The following XYLT1 variants were observed in gnomAD, a reference collection of about 807,000 sequenced individuals.
XYLT1 encodes beta-D-xylosyltransferase 1.
A neutral mutation model predicts 91.3 loss-of-function variants in XYLT1; 36 were observed. The ratio of observed to expected loss-of-function variants is 0.39; its 90% CI spans 0.30 to 0.52. The LOEUF is 0.52. Ranked by LOEUF, XYLT1 falls within the 20% of genes least tolerant of loss-of-function variation. The pLI is 0.68. For missense variants in XYLT1, 1,242 were observed against 1,284.5 expected (o/e 0.97, Z 0.51); for synonymous variants, 588 against 532.0 (o/e 1.11, Z -1.45).
At chr16:17,115,803 A>AAAAAAAT in intron 11 of XYLT1, among the ~76,000 whole-genome samples, 1 of 121,886 alleles carries the variant, frequency 8.2e-6, no homozygotes, top group Non-Finnish European at 1.6e-5. Context: ...GTTATATTAA[A>AAAAAAAT]AAAAAAAAAA....
At chr16:17,275,022 C>T (rs2033952665) in intron 2 of XYLT1, among the ~76,000 whole-genome samples, 1 of 151,972 alleles carries the variant, frequency 6.6e-6, no homozygotes, top group Non-Finnish European at 1.5e-5. Flanking sequence ...ACTGAAAATA[C>T]AAAAATTAGC....
chr16:17,294,819 T>C (rs2034285759), intron 2 of XYLT1, among the ~76,000 whole-genome samples: 1 of 152,086 alleles, frequency 6.6e-6, no homozygotes, highest in South Asian at 2.1e-4. Flanking sequence ...CAAGCACCCT[T>C]ATTCCTGGTG....
At chr16:17,248,036 T>C (rs753225526) in intron 3 of XYLT1, among the ~76,000 whole-genome samples, 3 of 152,214 alleles carry the variant, frequency 2.0e-5, no homozygotes, top group Non-Finnish European at 4.4e-5. Context: ...ATAGTTTGGC[T>C]GTGTCCCCAC....
Position 17,187,370 on chromosome 16 carries a change from G to C in XYLT1, c.1289+10842C>G, listed in dbSNP as rs1459143216. 9.6e-5 allele frequency among the ~76,000 whole-genome samples: 14 copies of C among 145,104 alleles called. 1 individual carries two copies. The East Asian group carries it at 2.6e-3, about 27-fold the overall frequency. The stretch of plus-strand genomic sequence containing the variant: ...GATCACGCCATTGCACTCCAGCCTG[G>C]GTGACAGAGCAAGACTCAGTTTCAA... On this transcript the variant is annotated intron_variant, in intron 5 of 11. Coordinates refer to ENST00000261381, the MANE Select transcript of XYLT1 (RefSeq NM_022166.4).
chr16:17,397,293 T>C (rs1185812304), intron 1 of XYLT1, among the ~76,000 whole-genome samples: 5 of 152,148 alleles, frequency 3.3e-5, no homozygotes, highest in Admixed American at 2.0e-4. Context: ...TCTATCTGAA[T>C]CAAATCCTAC....
At chr16:17,361,454 A>G (rs1330636744) in intron 1 of XYLT1, among the ~76,000 whole-genome samples, 11 of 152,254 alleles carry the variant, frequency 7.2e-5, no homozygotes, top group Admixed American at 5.2e-4. Context: ...ACCTCGATAG[A>G]TCAAAAAGTG....
chr16:17,167,538 G>C (rs1183720901), intron 5 of XYLT1, among the ~76,000 whole-genome samples: 7 of 149,978 alleles, frequency 4.7e-5, no homozygotes, highest in African/African-American at 1.7e-4. Flanking sequence ...TCCATCTCGT[G>C]AACGGATTCT....
intron 2 of XYLT1, among the ~76,000 whole-genome samples, chr16:17,344,670 G>A (rs1284292682): frequency 1.3e-5 from 2 of 151,858 alleles, no homozygotes; most frequent in African/African-American, 4.8e-5. Context: ...ACACCTTGGG[G>A]CTTTTGAGAT....
At chr16:17,285,727 A>G (rs946305845) in intron 2 of XYLT1, among the ~76,000 whole-genome samples, 2 of 152,200 alleles carry the variant, frequency 1.3e-5, no homozygotes, top group African/African-American at 4.8e-5. Flanking sequence ...CTATGCCTAC[A>G]GAACACTTTT....
chr16:17,407,207 GC>G (rs1233600153), intron 1 of XYLT1, among the ~76,000 whole-genome samples: 3 of 152,022 alleles, frequency 2.0e-5, no homozygotes, highest in African/African-American at 7.2e-5. Flanking sequence ...CGCCATGTTG[GC>G]CAGCAGTCTT....
intron 5 of XYLT1, among the ~76,000 whole-genome samples, chr16:17,161,668 TTC>T (rs1491166964): frequency 3.4e-5 from 2 of 59,090 alleles, no homozygotes; most frequent in East Asian, 5.3e-4. Context: ...CCGTTCCAGT[TTC>T]TCGCGCGCTC....
chr16:17,300,006 C>T (rs2034370308), intron 2 of XYLT1, among the ~76,000 whole-genome samples: 1 of 151,988 alleles, frequency 6.6e-6, no homozygotes, highest in Non-Finnish European at 1.5e-5. Context: ...TGTGGGAAGC[C>T]TGGTAGGGAA....
chr16:17,394,307 A>C (rs1161255684), intron 1 of XYLT1, among the ~76,000 whole-genome samples: 2 of 152,276 alleles, frequency 1.3e-5, no homozygotes, highest in Admixed American at 6.5e-5. Context: ...CCACCACAGC[A>C]GCGATCACCG....
intron 1 of XYLT1, among the ~76,000 whole-genome samples, chr16:17,366,880 G>A (rs1351678696): frequency 6.6e-6 from 1 of 152,152 alleles, no homozygotes; most frequent in Non-Finnish European, 1.5e-5. Context: ...AAGCTACCCT[G>A]CTTCCCAGTG....
intron 5 of XYLT1, among the ~76,000 whole-genome samples, chr16:17,178,719 C>A (rs2032000270): frequency 6.6e-6 from 1 of 152,166 alleles, no homozygotes; most frequent in African/African-American, 2.4e-5. Context: ...GTTTCGTCAT[C>A]CTGAGAGACA....
At chr16:17,148,389 G>T (rs554030087) in intron 6 of XYLT1, among the ~76,000 whole-genome samples, 11 of 152,254 alleles carry the variant, frequency 7.2e-5, no homozygotes, top group African/African-American at 2.6e-4. Flanking sequence ...TTAGTCTGTT[G>T]TCTATTTCCA....
chr16:17,464,611 T>C (rs778143516), intron 1 of XYLT1, among the ~76,000 whole-genome samples: 6 of 152,168 alleles, frequency 3.9e-5, no homozygotes, highest in Non-Finnish European at 8.8e-5. Context: ...TTACACATTA[T>C]ATGAACCTAT....
intron 3 of XYLT1, among the ~76,000 whole-genome samples, chr16:17,243,287 T>C (rs536382317): frequency 6.6e-6 from 1 of 152,224 alleles, no homozygotes; most frequent in South Asian, 2.1e-4. Flanking sequence ...ATGGTCAGTT[T>C]ATGAAAAGCC....
chr16:17,463,172 AT>A (rs143719798), intron 1 of XYLT1, among the ~76,000 whole-genome samples: 4,427 of 152,166 alleles, frequency 0.029, 214 homozygotes, highest in African/African-American at 0.1. Context: ...CTGAGCAAGA[AT>A]TTTTTTTGGG....
Sources: allele counts gnomAD v4.1 joint callset (sites outside exome capture counted in the v4.1 genomes callset), GRCh38; gene constraint gnomAD v4.1.1; transcripts MANE v1.5; gene names NCBI Gene and HGNC (gene_info 2026-07-23, HGNC 2026-07-21).